Variants in GRIK4 observed in about 807,000 individuals in gnomAD.
GRIK4 encodes glutamate ionotropic receptor kainate type subunit 4, also known as glutamate receptor ionotropic, kainate 4.
GRIK4 carries 40 observed loss-of-function variants against 104.9 expected under a neutral mutation model. That is an observed-to-expected ratio of 0.38 (90% CI 0.30 to 0.50). The LOEUF is 0.50. Ranked by LOEUF, GRIK4 falls within the 20% of genes least tolerant of loss-of-function variation. The pLI is 0.93. For missense variants in GRIK4, 1,047 were observed against 1,308.1 expected, an observed-to-expected ratio of 0.80 and a Z score of 3.08; for synonymous variants, 485 against 524.9, an observed-to-expected ratio of 0.92 and a Z score of 1.04.
In GRIK4 at chr11:120,815,433, A is replaced by G. The variant is rs1489534223; in HGVS notation, c.303A>G (p.Pro101=). 3 of 1,552,970 alleles carry G rather than the reference A, an allele frequency of 1.9e-6. No individual in the cohort carries two copies. The highest frequency in any genetic ancestry group is 2.6e-6 in the Non-Finnish European group (3 of 1,147,512). The change falls in exon 5 of 21, where the codon CCA becomes CCG. Residue 101 remains proline, a synonymous_variant. Transcript: ENST00000527524. ...VVAVLGPSSS[P]ASSSIISNIC... The stretch of plus-strand genomic sequence containing the variant: ...CTGTCCTCGGACCATCGTCCAGCCC[A>G]GCCTCCAGCTCCATCATCAGCAACA...
chr11:120,550,930 A>G (rs997098765), intron 1 of GRIK4, among the ~76,000 whole-genome samples: 9 of 152,124 alleles, frequency 5.9e-5, no homozygotes, highest in Non-Finnish European at 1.2e-4. Context: ...GGGGTCTTTC[A>G]TTTGTAAGGG....
intron 16 of GRIK4, among the ~76,000 whole-genome samples, chr11:120,958,703 GCTTGTGCCCT>G (rs1402432265): frequency 6.6e-6 from 1 of 152,212 alleles, no homozygotes; most frequent in African/African-American, 2.4e-5. Context: ...GCACTGAGCC[GCTTGTGCCCT>G]CTGACCAGTT....
At chr11:120,907,175 G>A (rs1942886493) in intron 13 of GRIK4, among the ~76,000 whole-genome samples, 1 of 152,232 alleles carries the variant, frequency 6.6e-6, no homozygotes, top group South Asian at 2.1e-4. Context: ...GTGCAGCTCA[G>A]TAGTTAGACC....
intron 13 of GRIK4, among the ~76,000 whole-genome samples, chr11:120,914,684 G>A (rs977809744): frequency 6.6e-6 from 1 of 152,182 alleles, no homozygotes; most frequent in Non-Finnish European, 1.5e-5. Context: ...GGGGCCAGTC[G>A]TGATAGGGTT....
chr11:120,808,397 G>A (rs1203336829), intron 4 of GRIK4, among the ~76,000 whole-genome samples: 2 of 152,196 alleles, frequency 1.3e-5, no homozygotes, highest in East Asian at 1.9e-4. Flanking sequence ...TCCCTCTCAG[G>A]GTTGTTGTAG....
intron 20 of GRIK4, among the ~76,000 whole-genome samples, chr11:120,984,227 A>G (rs673346): frequency 0.23 from 35,365 of 152,020 alleles, 4,269 homozygotes; most frequent in African/African-American, 0.3. Context: ...TAGAACAACT[A>G]TGCCATTGGT....
chr11:120,668,008 A>C (rs1591786940), intron 3 of GRIK4, among the ~76,000 whole-genome samples: 1 of 152,112 alleles, frequency 6.6e-6, no homozygotes, highest in East Asian at 1.9e-4. Flanking sequence ...ACTTGAGTCC[A>C]GGTGTTTGAG....
chr11:120,726,431 C>G (rs765359388), intron 3 of GRIK4, among the ~76,000 whole-genome samples: 1 of 152,110 alleles, frequency 6.6e-6, no homozygotes, highest in African/African-American at 2.4e-5. Context: ...GAGGCCCAGG[C>G]CAGGGTAAAA....
At chr11:120,790,120 T>C (rs893061563) in intron 3 of GRIK4, among the ~76,000 whole-genome samples, 1 of 152,348 alleles carries the variant, frequency 6.6e-6, no homozygotes, top group African/African-American at 2.4e-5. Flanking sequence ...GATTTTGTCA[T>C]ATCACTTACC....
intron 11 of GRIK4, among the ~76,000 whole-genome samples, chr11:120,885,069 C>T (rs951040576): frequency 6.6e-6 from 1 of 152,284 alleles, no homozygotes; most frequent in Non-Finnish European, 1.5e-5. Flanking sequence ...TACTTCTCCA[C>T]CTGGTGCGTT....
rs147324141 is a variant in GRIK4 at position 120,910,783 on chromosome 11, A to G, written c.1476+5290A>G. ...TTCGGGTGAGAGCAGGGTGAGAAGGACTATGATGGGGAAGTGCAGACAGAA... is the reference window on the plus strand; with the variant it reads ...TTCGGGTGAGAGCAGGGTGAGAAGGGCTATGATGGGGAAGTGCAGACAGAA... On this transcript the variant is annotated intron_variant, in intron 13 of 20. Coordinates refer to ENST00000527524, the MANE Select transcript of GRIK4 (RefSeq NM_014619.5). 2.5e-3 allele frequency among the ~76,000 whole-genome samples: 379 copies of G among 152,308 alleles called. 2 individuals carry two copies. The highest frequency in any genetic ancestry group is 8.4e-3 in the African/African-American group (348 of 41,558).
chr11:120,613,188 T>C (rs1204324289), intron 1 of GRIK4, among the ~76,000 whole-genome samples: 1 of 152,228 alleles, frequency 6.6e-6, no homozygotes, highest in Non-Finnish European at 1.5e-5. Flanking sequence ...TGAGCCCAGC[T>C]GCTGCTTAGC....
chr11:120,731,645 G>A (rs1951133528), intron 3 of GRIK4, among the ~76,000 whole-genome samples: 1 of 152,102 alleles, frequency 6.6e-6, no homozygotes, highest in Admixed American at 6.6e-5. Flanking sequence ...ATTAGTATTA[G>A]TTCTTTAAAT....
intron 1 of GRIK4, among the ~76,000 whole-genome samples, chr11:120,565,228 A>C (rs1044660491): frequency 1.3e-5 from 2 of 152,176 alleles, no homozygotes; most frequent in African/African-American, 4.8e-5. Flanking sequence ...CCATGTCGCC[A>C]CCGGCTGCTG....
At chr11:120,864,361 C>T (rs1387994584) in intron 9 of GRIK4, among the ~76,000 whole-genome samples, 1 of 152,018 alleles carries the variant, frequency 6.6e-6, no homozygotes, top group Non-Finnish European at 1.5e-5. Flanking sequence ...CTGCCTCAGC[C>T]TCCGGAGTAG....
intron 1 of GRIK4, among the ~76,000 whole-genome samples, chr11:120,638,100 G>A (rs141095017): frequency 7.0e-4 from 107 of 152,150 alleles, no homozygotes; most frequent in African/African-American, 2.3e-3. Flanking sequence ...GGCTGGTCTC[G>A]AACTCCTGAC....
Position 120,905,487 on chromosome 11 carries a change from C to T in GRIK4, c.1470C>T (p.Ile490=), listed in dbSNP as rs375591719. 6.6e-6 allele frequency: 9 copies of T among 1,356,478 alleles called. No homozygotes were observed. The highest frequency in any genetic ancestry group is 3.4e-5 in the South Asian group (3 of 87,622). The allele number at this position is 1,356,478 out of a possible 1,614,324, so 84.0% of individuals were successfully genotyped here. The part of the protein sequence containing the change: ...GTWTGMVGEL[I]ARKADLAVAG... Reference sequence around the variant, plus strand: ...GGACGGGAATGGTCGGGGAGCTGATCGCTAGGGTAAGGAGAGGACAAGTGA... The same window carrying T: ...GGACGGGAATGGTCGGGGAGCTGATTGCTAGGGTAAGGAGAGGACAAGTGA... The change falls in exon 13 of 21, where the codon ATC becomes ATT. Residue 490 remains isoleucine (I), a synonymous_variant. Transcript: ENST00000527524. This position sits in a 1 kb window ranked among gnomAD's most constrained non-coding sequence, Gnocchi z 5.1.
chr11:120,755,641 A>AAATAATAAT (rs370369560), intron 3 of GRIK4, among the ~76,000 whole-genome samples: 3 of 149,500 alleles, frequency 2.0e-5, no homozygotes, highest in African/African-American at 7.4e-5. Flanking sequence ...CAAAGATAAT[A>AAATAATAAT]AATAATAATA....
At chr11:120,589,277 T>A (rs1052196386) in intron 1 of GRIK4, among the ~76,000 whole-genome samples, 1 of 152,200 alleles carries the variant, frequency 6.6e-6, no homozygotes, top group Non-Finnish European at 1.5e-5. Context: ...GCCGCTGCAC[T>A]ACATCGTTTT....
Sources: allele counts gnomAD v4.1 joint callset (sites outside exome capture counted in the v4.1 genomes callset), GRCh38; gene constraint gnomAD v4.1.1; non-coding constraint Gnocchi (gnomAD v3.1); transcripts MANE v1.5; gene names NCBI Gene and HGNC (gene_info 2026-07-23, HGNC 2026-07-21).